Variants in MAP2K5 observed in about 807,000 individuals in gnomAD.
The protein encoded by MAP2K5 is mitogen-activated protein kinase kinase 5.
In MAP2K5, 49 loss-of-function variants were observed where a neutral mutation model predicts 83.1. The ratio of observed to expected loss-of-function variants is 0.59; its 90% CI spans 0.47 to 0.75. MAP2K5 has a LOEUF of 0.75. Ranked by LOEUF, MAP2K5 falls within the 30% of genes least tolerant of loss-of-function variation. The pLI, the probability that MAP2K5 is intolerant of heterozygous loss-of-function variation, is 0.00. For missense variants in MAP2K5, 457 were observed against 557.5 expected (o/e 0.82, Z 1.82); for synonymous variants, 202 against 191.8 (o/e 1.05, Z -0.44).
chr15:67,579,874 A>C (rs567857204), intron 3 of MAP2K5, among the ~76,000 whole-genome samples: 1 of 152,360 alleles, frequency 6.6e-6, no homozygotes, highest in African/African-American at 2.4e-5. Context: ...TAATATAGAA[A>C]CAGTGAGGAT....
chr15:67,597,234 C>T (rs561299063), intron 7 of MAP2K5, among the ~76,000 whole-genome samples: 11 of 151,550 alleles, frequency 7.3e-5, no homozygotes, highest in African/African-American at 2.7e-4. Flanking sequence ...AGCTCTCCTT[C>T]ACCTCTTTTC....
At chr15:67,595,902 T>C (rs1163913736) in intron 7 of MAP2K5, among the ~76,000 whole-genome samples, 7 of 152,196 alleles carry the variant, frequency 4.6e-5, no homozygotes, top group Admixed American at 4.6e-4. Flanking sequence ...AGTGTCAATT[T>C]GAAGAATTTA....
intron 2 of MAP2K5, among the ~76,000 whole-genome samples, chr15:67,560,673 T>C (rs188421748): frequency 1.3e-5 from 2 of 152,254 alleles, no homozygotes; most frequent in Non-Finnish European, 2.9e-5. Flanking sequence ...GCTCTTGTAA[T>C]GTTTCATAGC....
At chr15:67,628,285 G>A in intron 8 of MAP2K5, 2 of 528,984 alleles carry the variant, frequency 3.8e-6, no homozygotes, top group South Asian at 4.1e-5. Context: ...TTTGAGACCA[G>A]CCTGGCCAAC....
chr15:67,687,770 A>G (rs1001847045), intron 13 of MAP2K5, among the ~76,000 whole-genome samples: 2 of 152,120 alleles, frequency 1.3e-5, no homozygotes, highest in African/African-American at 4.8e-5. Context: ...GACACCATTT[A>G]TTCACCATTT....
chr15:67,626,386 G>C (rs1016104603), intron 8 of MAP2K5, among the ~76,000 whole-genome samples: 4 of 152,074 alleles, frequency 2.6e-5, no homozygotes, highest in African/African-American at 9.7e-5. Context: ...AATTAGCCAG[G>C]TGTGGTGGTG....
chr15:67,739,807 C>T (rs1204424135), intron 17 of MAP2K5, among the ~76,000 whole-genome samples: 1 of 152,008 alleles, frequency 6.6e-6, no homozygotes, highest in Non-Finnish European at 1.5e-5. Flanking sequence ...CCCTCCTTAT[C>T]CCATATGAAC....
intron 7 of MAP2K5, among the ~76,000 whole-genome samples, chr15:67,599,463 A>G (rs1265748308): frequency 6.6e-6 from 1 of 152,244 alleles, no homozygotes; most frequent in Non-Finnish European, 1.5e-5. Flanking sequence ...TAATTATCAC[A>G]GCTCTCTGAA....
At chr15:67,745,030 G>GA (rs538275390) in intron 17 of MAP2K5, among the ~76,000 whole-genome samples, 20 of 144,946 alleles carry the variant, frequency 1.4e-4, no homozygotes, top group East Asian at 8.0e-4. Flanking sequence ...GCTAATGAAA[G>GA]AAAAAAAAAA....
At position 67,720,956 on chromosome 15, in the gene MAP2K5, A is replaced by G. The variant is rs763416592; in HGVS notation, c.1045-6960A>G. On this transcript the variant is annotated intron_variant, in intron 16 of 21. Transcript: ENST00000178640. The surrounding 1 kb of genome is among the most constrained non-coding windows in gnomAD (Gnocchi z 5.7). ...CAATGTATCACGCTTTTCAGCATTC[A>G]TGGTTAGGCTATAGCAGGCAATCAT... Among the ~76,000 whole-genome samples, 39 of 152,218 alleles carry G rather than the reference A, an allele frequency of 2.6e-4. No individual in the cohort carries two copies. The highest frequency in any genetic ancestry group is 1.5e-3 in the Admixed American group (23 of 15,284).
Position 67,655,451 on chromosome 15 carries a change from T to G in MAP2K5, c.737-3102T>G, listed in dbSNP as rs529338758. ...ATTTCCCAGTTTATTTGAGAGTATC[T>G]TAATTTCTCCTTCAGTTTCGTAGAA... is the stretch of plus-strand genomic sequence containing the variant. On this transcript the variant is annotated intron_variant, in intron 11 of 21. Coordinates refer to ENST00000178640, the MANE Select transcript of MAP2K5 (RefSeq NM_145160.3). Among the ~76,000 whole-genome samples the G allele has an allele frequency of 1.1e-3, 167 of 152,328 alleles. 1 individual carries two copies. The highest frequency in any genetic ancestry group is 3.9e-3 in the African/African-American group (163 of 41,578).
chr15:67,649,198 T>C (rs2086899486), intron 11 of MAP2K5, among the ~76,000 whole-genome samples: 1 of 152,228 alleles, frequency 6.6e-6, no homozygotes, highest in Non-Finnish European at 1.5e-5. Context: ...TTTTGAGAAA[T>C]ATGTTTTCAA....
At chr15:67,762,565 CA>C (rs5813455) in intron 19 of MAP2K5, among the ~76,000 whole-genome samples, 60,557 of 119,564 alleles carry the variant, frequency 0.51, 13,268 homozygotes, top group Middle Eastern at 0.6. Flanking sequence ...AAATGACAGA[CA>C]AAAAAAAAAA....
In MAP2K5 at chr15:67,651,741, C is replaced by CT. The variant is rs2086960373; in HGVS notation, c.736+5275dup. Among the ~76,000 whole-genome samples, 12 of 152,108 alleles carry CT rather than the reference C, an allele frequency of 7.9e-5. No individual in the cohort carries two copies. In the South Asian group the frequency reaches 2.5e-3, roughly 32 times the overall value. On this transcript the variant is annotated intron_variant, in intron 11 of 21. Coordinates refer to ENST00000178640, the MANE Select transcript of MAP2K5 (RefSeq NM_145160.3). ...TCATTGTGTTTATGTACCACATTTT[C>CT]TTTATCTTTATTTTTTCTTCGATGG...
At position 67,790,942 on chromosome 15, in the gene MAP2K5, G is replaced by T. The variant is rs572357637; in HGVS notation, c.1243-15704G>T. 2.0e-5 allele frequency among the ~76,000 whole-genome samples: 3 copies of T among 152,276 alleles called. No individual in the cohort carries two copies. The highest frequency in any genetic ancestry group is 2.0e-4 in the Admixed American group (3 of 15,308). ...GTTCTCCATATTTTACAGAAGACGA[G>T]TCAGAGCTAGGGGGAATAAGCTGTG... On this transcript the variant is annotated intron_variant, in intron 21 of 21. Coordinates refer to ENST00000178640, the MANE Select transcript of MAP2K5 (RefSeq NM_145160.3). This position sits in a 1 kb window ranked among gnomAD's most constrained non-coding sequence, Gnocchi z 4.6.
In MAP2K5 at chr15:67,778,725, G is replaced by A. The variant is rs1318522104; in HGVS notation, c.1242+5973G>A. The stretch of plus-strand genomic sequence containing the variant: ...CTGTTTACTAGAAGCACGGGGCTCA[G>A]ATCAATTCAAAATGATCACCACATT... On this transcript the variant is annotated intron_variant, in intron 21 of 21. Coordinates refer to ENST00000178640, the MANE Select transcript of MAP2K5 (RefSeq NM_145160.3). This position sits in a 1 kb window ranked among gnomAD's most constrained non-coding sequence, Gnocchi z 5.0. 6.6e-6 allele frequency among the ~76,000 whole-genome samples: 1 copy of A among 152,172 alleles called. No individual in the cohort carries two copies. Among genetic ancestry groups the A allele is most frequent in the African/African-American group, 2.4e-5 (1 of 41,428 alleles).
chr15:67,806,995 C>T lies in MAP2K5; in HGVS notation c.*245C>T. 4 of 1,475,304 alleles carry T rather than the reference C, an allele frequency of 2.7e-6. No homozygotes were observed. In the South Asian group the frequency reaches 5.2e-5, roughly 19 times the overall value. The allele number at this position is 1,475,304 out of a possible 1,614,324, so 91.4% of individuals were successfully genotyped here. A position where few individuals can be genotyped will look rare whatever the true frequency, so the allele number is the denominator to read the frequency against. On this transcript the variant is annotated 3_prime_UTR_variant, in exon 22 of 22. Coordinates refer to ENST00000178640, the MANE Select transcript of MAP2K5 (RefSeq NM_145160.3). Reference sequence around the variant, plus strand: ...ACTGGCAGAGAGGTAAAGGGTGGGGCATTGAGAATGGAGGCTCCCAGGGTC... The same window carrying T: ...ACTGGCAGAGAGGTAAAGGGTGGGGTATTGAGAATGGAGGCTCCCAGGGTC...
chr15:67,766,249 G>A (rs1346530539), intron 19 of MAP2K5, among the ~76,000 whole-genome samples: 2 of 152,164 alleles, frequency 1.3e-5, no homozygotes, highest in African/African-American at 4.8e-5. Context: ...CTCCGATTGA[G>A]GCTTTTGGTT....
chr15:67,630,864 TTTTG>T lies in MAP2K5; in HGVS notation c.546-20_546-17del, dbSNP rs770040903. ...TAGGTTGTTTAGTGATCCCAAATGATTTTGTTTTTTTTTCTTCCCATAGAGCATA... is the reference window on the plus strand; with the variant it reads ...TAGGTTGTTTAGTGATCCCAAATGATTTTTTTTTTCTTCCCATAGAGCATA... On this transcript the variant is annotated intron_variant, in intron 8 of 21. Transcript: ENST00000178640. The T allele has an allele frequency of 2.5e-6, 4 of 1,597,146 alleles. No homozygotes were observed. The highest frequency in any genetic ancestry group is 3.4e-6 in the Non-Finnish European group (4 of 1,167,272).
Sources: gnomAD v4.1 joint callset for allele counts (sites outside exome capture counted in the v4.1 genomes callset) on GRCh38, gnomAD v4.1.1 for gene constraint, Gnocchi (gnomAD v3.1) non-coding constraint, MANE v1.5 for transcripts, NCBI Gene and HGNC (gene_info 2026-07-23, HGNC 2026-07-21) for gene names.